The following FHIP1A variants were observed in gnomAD, a reference collection of about 807,000 sequenced individuals.
FHIP1A encodes FHF complex subunit HOOK interacting protein 1A, also known as FHF complex subunit HOOK-interacting protein 1A.
Under a neutral mutation model 88.6 loss-of-function variants are expected in FHIP1A, and 61 were observed. The observed-to-expected ratio is 0.69, with a 90% CI of 0.56 to 0.85. The LOEUF (loss-of-function observed/expected upper bound fraction) is 0.85. Ranked by LOEUF, FHIP1A falls within the 40% of genes least tolerant of loss-of-function variation. The pLI, the probability that FHIP1A is intolerant of heterozygous loss-of-function variation, is 0.00. For missense variants in FHIP1A, 1,154 were observed against 1,273.5 expected (o/e 0.91, Z 1.43); for synonymous variants, 478 against 496.0 (o/e 0.96, Z 0.48).
chr4:151,576,098 G>C (rs1733780131), intron 4 of FHIP1A, among the ~76,000 whole-genome samples: 2 of 152,210 alleles, frequency 1.3e-5, no homozygotes, highest in African/African-American at 2.4e-5. Context: ...GAAGTTAAAT[G>C]GAAGTTGAGA....
intron 4 of FHIP1A, chr4:151,576,712 A>AT (rs1733805042): frequency 6.6e-6 from 1 of 152,194 alleles, no homozygotes; most frequent in African/African-American, 2.4e-5. Context: ...TACATGCCAT[A>AT]TGCTAGGGTT....
intron 1 of FHIP1A, chr4:151,436,658 C>A (rs1728215362): frequency 6.6e-6 from 1 of 152,174 alleles, no homozygotes. Flanking sequence ...TGTCTCAAAT[C>A]ACCCTCTCAG....
At chr4:151,644,580 G>A (rs1422988057) in intron 9 of FHIP1A, among the ~76,000 whole-genome samples, 2 of 151,922 alleles carry the variant, frequency 1.3e-5, no homozygotes, top group African/African-American at 4.8e-5. Flanking sequence ...TTGAACTCTC[G>A]GCCTCAAGCA....
At chr4:151,604,684 A>G (rs2126835169) in intron 7 of FHIP1A, among the ~76,000 whole-genome samples, 1 of 152,112 alleles carries the variant, frequency 6.6e-6, no homozygotes, top group East Asian at 1.9e-4. Context: ...CCTTGTCTCT[A>G]CTAAAGATAC....
intron 8 of FHIP1A, among the ~76,000 whole-genome samples, chr4:151,633,053 T>C (rs928983860): frequency 7.9e-5 from 12 of 151,730 alleles, no homozygotes; most frequent in African/African-American, 2.7e-4. Context: ...AGCAATAATA[T>C]TGATTGACCA....
intron 1 of FHIP1A, among the ~76,000 whole-genome samples, chr4:151,447,881 C>G (rs2126574135): frequency 6.6e-6 from 1 of 152,196 alleles, no homozygotes; most frequent in South Asian, 2.1e-4. Context: ...TTGCCTGCAC[C>G]TCGATCTTGG....
intron 1 of FHIP1A, among the ~76,000 whole-genome samples, chr4:151,417,920 G>A (rs1732955977): frequency 6.6e-6 from 1 of 152,020 alleles, no homozygotes; most frequent in Admixed American, 6.6e-5. Context: ...TGTAATCCTG[G>A]GCATTTTGGC....
At position 151,475,524 on chromosome 4, in the gene FHIP1A, C is replaced by T. The variant is rs7676491; in HGVS notation, c.-247-7000C>T. Reference sequence around the variant, plus strand: ...ATGAGGATATCTGGGGATGGAGGCTCCGGGGAACAGCAAGTCTGGCAGGTG... The same window carrying T: ...ATGAGGATATCTGGGGATGGAGGCTTCGGGGAACAGCAAGTCTGGCAGGTG... On this transcript the variant is annotated intron_variant, in intron 2 of 13. Coordinates refer to ENST00000435205, the MANE Select transcript of FHIP1A (RefSeq NM_001109977.3). 9.1e-3 allele frequency among the ~76,000 whole-genome samples: 1,390 copies of T among 151,974 alleles called. 18 individuals are homozygous for T. The highest frequency in any genetic ancestry group is 0.031 in the African/African-American group (1,297 of 41,434).
Position 151,662,913 on chromosome 4 carries a change from C to T in FHIP1A, c.*159C>T. ...AATTTTCTGTATCTTTCCTCTCTCT[C>T]TCTAGCCGGGCCTTTCCACCTTATG... On this transcript the variant is annotated 3_prime_UTR_variant, in exon 14 of 14. Transcript: ENST00000435205. 1.4e-6 allele frequency: 1 copy of T among 693,574 alleles called. No individual in the cohort carries two copies. 43.0% of individuals were successfully genotyped at this position (693,574 alleles called of 1,614,324 possible). A position where few individuals can be genotyped will look rare whatever the true frequency, so the allele number is the denominator to read the frequency against.
In FHIP1A at chr4:151,499,434, A is replaced by G. The variant is rs569280890; in HGVS notation, c.-123+16786A>G. Among the ~76,000 whole-genome samples the G allele has an allele frequency of 3.8e-4, 58 of 152,304 alleles. No individual in the cohort carries two copies. The South Asian group carries it at 0.011, about 29-fold the overall frequency. ...GTACAAGTTCAGCCTGGTGATCTGAACTACTCTATCTGATGATTCCAGTTG... is the reference window on the plus strand; with the variant it reads ...GTACAAGTTCAGCCTGGTGATCTGAGCTACTCTATCTGATGATTCCAGTTG... On this transcript the variant is annotated intron_variant, in intron 3 of 13. Coordinates refer to ENST00000435205, the MANE Select transcript of FHIP1A (RefSeq NM_001109977.3).
chr4:151,659,057 T>C (rs1737357236), intron 13 of FHIP1A, among the ~76,000 whole-genome samples: 1 of 152,144 alleles, frequency 6.6e-6, no homozygotes, highest in Non-Finnish European at 1.5e-5. Context: ...GGTTTCAGAA[T>C]GTCTGGAGGC....
intron 3 of FHIP1A, among the ~76,000 whole-genome samples, chr4:151,522,320 T>C (rs1731475783): frequency 6.6e-6 from 1 of 152,192 alleles, no homozygotes; most frequent in Non-Finnish European, 1.5e-5. Flanking sequence ...GCTCGTGAAA[T>C]AGAATTGTTT....
At chr4:151,461,596 A>G (rs1473437155) in intron 2 of FHIP1A, among the ~76,000 whole-genome samples, 3 of 152,228 alleles carry the variant, frequency 2.0e-5, no homozygotes, top group Non-Finnish European at 4.4e-5. Context: ...TAGGTACCCC[A>G]TGGATATGTA....
At chr4:151,455,661 G>A (rs916835296) in intron 2 of FHIP1A, among the ~76,000 whole-genome samples, 4 of 152,216 alleles carry the variant, frequency 2.6e-5, no homozygotes, top group South Asian at 2.1e-4. Flanking sequence ...TTTTCTGAAA[G>A]CCTTCCATCA....
chr4:151,488,232 T>C (rs568768701), intron 3 of FHIP1A, among the ~76,000 whole-genome samples: 12 of 152,330 alleles, frequency 7.9e-5, no homozygotes, highest in African/African-American at 2.9e-4. Flanking sequence ...ATGGGTATAT[T>C]GTGTGATGCT....
intron 3 of FHIP1A, among the ~76,000 whole-genome samples, chr4:151,558,367 C>T (rs1053088143): frequency 3.3e-5 from 5 of 152,124 alleles, no homozygotes; most frequent in African/African-American, 1.2e-4. Flanking sequence ...GAAACCGTGT[C>T]TCTACTAAAA....
intron 2 of FHIP1A, among the ~76,000 whole-genome samples, chr4:151,469,841 C>T (rs1020230096): frequency 4.6e-5 from 7 of 152,280 alleles, no homozygotes; most frequent in Non-Finnish European, 7.4e-5. Flanking sequence ...TTTAGGATGT[C>T]GGGTCAGGAG....
chr4:151,479,754 A>T (rs1389956669), intron 2 of FHIP1A, among the ~76,000 whole-genome samples: 1 of 152,142 alleles, frequency 6.6e-6, no homozygotes, highest in Non-Finnish European at 1.5e-5. Flanking sequence ...CACCCCAACA[A>T]AGTGTTCATT....
intron 7 of FHIP1A, among the ~76,000 whole-genome samples, chr4:151,592,043 C>T (rs7662713): frequency 0.11 from 16,916 of 152,236 alleles, 974 homozygotes; most frequent in African/African-American, 0.13. Context: ...AATTGCCACA[C>T]TGTCTTCCAC....
Sources: gnomAD v4.1 joint callset for allele counts (sites outside exome capture counted in the v4.1 genomes callset) on GRCh38, gnomAD v4.1.1 for gene constraint, MANE v1.5 for transcripts, NCBI Gene and HGNC (gene_info 2026-07-23, HGNC 2026-07-21) for gene names.